Variants in XYLT1 observed in about 807,000 individuals in gnomAD.
The protein encoded by XYLT1 is xylosyltransferase 1, also known as beta-D-xylosyltransferase 1.
XYLT1 carries 36 observed loss-of-function variants against 91.3 expected under a neutral mutation model. That is an observed-to-expected ratio of 0.39 (90% confidence interval 0.30 to 0.52). XYLT1 has a LOEUF of 0.52. Among genes scored for constraint, XYLT1 ranks in the 20% least tolerant of loss-of-function variants. The pLI, the probability that XYLT1 is intolerant of heterozygous loss-of-function variation, is 0.68. For synonymous variants in XYLT1, 588 were observed against 532.0 expected, an observed-to-expected ratio of 1.11 and a Z score of -1.45; for missense variants, 1,242 against 1,284.5, an observed-to-expected ratio of 0.97 and a Z score of 0.51.
intron 2 of XYLT1, among the ~76,000 whole-genome samples, chr16:17,294,278 A>G (rs7184680): frequency 0.51 from 78,000 of 151,910 alleles, 21,815 homozygotes; most frequent in African/African-American, 0.73. Context: ...GACAGGTGGC[A>G]ACACCTGTCC....
intron 1 of XYLT1, among the ~76,000 whole-genome samples, chr16:17,432,154 A>G (rs893358825): frequency 2.0e-5 from 3 of 152,210 alleles, no homozygotes; most frequent in African/African-American, 7.2e-5. Flanking sequence ...TTTGGAAGAC[A>G]CTTCAACGAT....
At chr16:17,218,945 G>T (rs959641110) in intron 3 of XYLT1, among the ~76,000 whole-genome samples, 24 of 152,252 alleles carry the variant, frequency 1.6e-4, no homozygotes, top group Non-Finnish European at 7.3e-5. Flanking sequence ...TGAGGTGGAG[G>T]GGGAAGACAG....
chr16:17,403,090 T>A (rs7195051), intron 1 of XYLT1, among the ~76,000 whole-genome samples: 2,980 of 152,216 alleles, frequency 0.02, 79 homozygotes, highest in African/African-American at 0.066. Flanking sequence ...ATGAAGACGA[T>A]ACACAGAGAC....
chr16:17,150,263 T>C (rs757055651), intron 6 of XYLT1, among the ~76,000 whole-genome samples: 11 of 152,210 alleles, frequency 7.2e-5, no homozygotes, highest in Non-Finnish European at 1.5e-4. Flanking sequence ...CGGTAGGCTG[T>C]GCCCCTTCTG....
chr16:17,351,763 T>C (rs2035224166), intron 2 of XYLT1, among the ~76,000 whole-genome samples: 1 of 143,838 alleles, frequency 7.0e-6, no homozygotes, highest in African/African-American at 2.7e-5. Flanking sequence ...GGGGGGTGCT[T>C]TCCTGTGCAT....
chr16:17,342,552 T>C (rs7499553), intron 2 of XYLT1, among the ~76,000 whole-genome samples: 16,774 of 152,106 alleles, frequency 0.11, 1,138 homozygotes, highest in African/African-American at 0.17. Context: ...TGAAACCCCA[T>C]CTCTACTAAA....
chr16:17,186,063 A>G (rs1049890295), intron 5 of XYLT1, among the ~76,000 whole-genome samples: 32 of 152,106 alleles, frequency 2.1e-4, no homozygotes, highest in African/African-American at 7.7e-4. Flanking sequence ...TCCACAAGGA[A>G]TTTACATTCA....
At chr16:17,200,073 T>C (rs1213022928) in intron 4 of XYLT1, among the ~76,000 whole-genome samples, 2 of 151,452 alleles carry the variant, frequency 1.3e-5, no homozygotes, top group Non-Finnish European at 1.5e-5. Flanking sequence ...ATACAAAAAT[T>C]AGCCGGGTGT....
In XYLT1 at chr16:17,259,716, T is replaced by C. The variant is rs957475652; in HGVS notation, c.403-218A>G. ...TGTTCCAACCAGAAACCAAGGCTTTTTCAAGCTCTAAAGTGCCATGACTAC... is the reference window on the plus strand; with the variant it reads ...TGTTCCAACCAGAAACCAAGGCTTTCTCAAGCTCTAAAGTGCCATGACTAC... On this transcript the variant is annotated intron_variant, in intron 2 of 11. Coordinates refer to ENST00000261381, the MANE Select transcript of XYLT1 (RefSeq NM_022166.4). Among the ~76,000 whole-genome samples, 6 of 152,334 alleles carry C rather than the reference T, an allele frequency of 3.9e-5. No homozygotes were observed. In the East Asian group the frequency reaches 7.7e-4, roughly 20 times the overall value.
intron 2 of XYLT1, among the ~76,000 whole-genome samples, chr16:17,282,041 C>G (rs2034065976): frequency 6.6e-6 from 1 of 152,196 alleles, no homozygotes; most frequent in South Asian, 2.1e-4. Flanking sequence ...TCTTCCCGGC[C>G]AGAGCTCTCC....
At chr16:17,432,721 C>T (rs958991776) in intron 1 of XYLT1, among the ~76,000 whole-genome samples, 5 of 152,102 alleles carry the variant, frequency 3.3e-5, no homozygotes, top group African/African-American at 1.2e-4. Context: ...ATATCTTTCC[C>T]TTTTTCATCG....
intron 5 of XYLT1, among the ~76,000 whole-genome samples, chr16:17,171,394 A>G (rs565237964): frequency 5.8e-4 from 88 of 152,166 alleles, no homozygotes; most frequent in Non-Finnish European, 3.1e-4. Context: ...GTATTGGAAC[A>G]AGGTCAAAAT....
intron 11 of XYLT1, among the ~76,000 whole-genome samples, chr16:17,117,304 A>AT (rs1200423321): frequency 6.6e-6 from 1 of 152,186 alleles, no homozygotes; most frequent in African/African-American, 2.4e-5. Context: ...TCCTGTTTTG[A>AT]TTTTTTTAAA....
chr16:17,331,506 C>G (rs983076827), intron 2 of XYLT1, among the ~76,000 whole-genome samples: 1 of 151,794 alleles, frequency 6.6e-6, no homozygotes, highest in Admixed American at 6.6e-5. Context: ...AACAGACACA[C>G]GTTTTCCATT....
intron 1 of XYLT1, among the ~76,000 whole-genome samples, chr16:17,423,143 C>T (rs1435764601): frequency 6.7e-6 from 1 of 149,364 alleles, no homozygotes; most frequent in African/African-American, 2.6e-5. Context: ...CTGGACACCT[C>T]GCTGGGCTTG....
At chr16:17,441,842 A>G (rs2036536146) in intron 1 of XYLT1, among the ~76,000 whole-genome samples, 1 of 152,182 alleles carries the variant, frequency 6.6e-6, no homozygotes, top group African/African-American at 2.4e-5. Context: ...GTGACCCAAA[A>G]ATGAGCTTCC....
At chr16:17,437,056 C>T (rs1435930215) in intron 1 of XYLT1, among the ~76,000 whole-genome samples, 1 of 152,144 alleles carries the variant, frequency 6.6e-6, no homozygotes, top group African/African-American at 2.4e-5. Flanking sequence ...CTCATGAGAA[C>T]CTTCTGTGGC....
chr16:17,252,191 C>T (rs1315316068), intron 3 of XYLT1, among the ~76,000 whole-genome samples: 1 of 152,140 alleles, frequency 6.6e-6, no homozygotes, highest in Non-Finnish European at 1.5e-5. Flanking sequence ...CCCCAGTGCA[C>T]TCAGCATTTT....
rs188445598 is a variant in XYLT1, at chr16:17,450,200, T to C, written c.363+20234A>G. ...TAAAAATACAAAAATTAGCCAGGCA[T>C]GGTGGCAGGCGCCTGTAATCCCAGC... On this transcript the variant is annotated intron_variant, in intron 1 of 11. Coordinates refer to ENST00000261381, the MANE Select transcript of XYLT1 (RefSeq NM_022166.4). 5.6e-3 allele frequency among the ~76,000 whole-genome samples: 858 copies of C among 152,152 alleles called. 10 individuals are homozygous for C. The highest frequency in any genetic ancestry group is 0.019 in the African/African-American group (792 of 41,504).
Sources: allele counts gnomAD v4.1 joint callset (sites outside exome capture counted in the v4.1 genomes callset), GRCh38; gene constraint gnomAD v4.1.1; transcripts MANE v1.5; gene names NCBI Gene and HGNC (gene_info 2026-07-23, HGNC 2026-07-21).